SMG5: variants seen among roughly 807,000 people sequenced by gnomAD.
The protein encoded by SMG5 is SMG5 nonsense mediated mRNA decay factor.
A neutral mutation model predicts 122.9 loss-of-function variants in SMG5; 53 were observed. The ratio of observed to expected loss-of-function variants is 0.43; its 90% CI spans 0.35 to 0.54. The LOEUF is 0.54. Ranked by LOEUF, SMG5 falls within the 20% of genes least tolerant of loss-of-function variation. The pLI is 0.01. For synonymous variants in SMG5, 477 were observed against 490.2 expected (o/e 0.97, Z 0.35); for missense variants, 1,153 against 1,285.6 (o/e 0.90, Z 1.58).
At position 156,253,400 on chromosome 1, in the gene SMG5, C is replaced by G. The variant is rs1417920113; in HGVS notation, c.2502+49G>C. On this transcript the variant is annotated intron_variant, in intron 17 of 21. Coordinates refer to ENST00000361813, the MANE Select transcript of SMG5 (RefSeq NM_015327.3). ...GGGAGACCTGCCAGTAGGGTTGACA[C>G]AAAAGCTCTACCAAGTGCAGAAGAA... is the stretch of plus-strand genomic sequence containing the variant. The G allele has an allele frequency of 2.5e-6, 4 of 1,591,806 alleles. No individual in the cohort carries two copies. In the African/African-American group the frequency reaches 5.4e-5, roughly 21 times the overall value.
At chr1:156,271,239 T>C (rs992199387) in intron 7 of SMG5, among the ~76,000 whole-genome samples, 1 of 152,220 alleles carries the variant, frequency 6.6e-6, no homozygotes, top group Non-Finnish European at 1.5e-5. Flanking sequence ...TATTTCATTA[T>C]TTTATACTTT....
intron 3 of SMG5, 53 bp downstream of exon 3, chr1:156,277,872 A>T (rs1459240184): frequency 6.2e-7 from 1 of 1,606,116 alleles, no homozygotes; most frequent in Admixed American, 1.7e-5. Context: ...CCACTTTCCT[A>T]GCTGTCTCTT....
Position 156,274,633 on chromosome 1 carries a change from C to T in SMG5, c.508G>A (p.Ala170Thr), listed in dbSNP as rs868559740. 1 of 1,613,970 alleles carries T rather than the reference C, an allele frequency of 6.2e-7. No individual in the cohort carries two copies. Among genetic ancestry groups the T allele is most frequent in the South Asian group, 1.1e-5 (1 of 91,078 alleles). ...AGATACACCAGACATCGGTGACATG[C>T]CATCTGTGCCCAATCCATCTCCTTC... is the stretch of plus-strand genomic sequence containing the variant. ...SGKEMDWAQMACHRCLVYLGD... is the reference protein window; with the variant it reads ...SGKEMDWAQMTCHRCLVYLGD... Residue 170 changes from alanine to threonine, a missense_variant, in exon 5 of 22, where the codon GCA becomes ACA. Transcript: ENST00000361813.
the SMG5 span, among the ~76,000 whole-genome samples, chr1:156,288,031 G>A: frequency 6.6e-6 from 1 of 151,818 alleles, no homozygotes; most frequent in African/African-American, 2.4e-5. Context: ...TGGCTAACAC[G>A]GTGAAACCCC....
intron 12 of SMG5, among the ~76,000 whole-genome samples, chr1:156,263,841 G>A (rs572634723): frequency 6.6e-6 from 1 of 152,254 alleles, no homozygotes; most frequent in South Asian, 2.1e-4. Flanking sequence ...ATAGACTCAA[G>A]TAATTTGTGA....
chr1:156,252,187 G>A (rs1430437178), intron 19 of SMG5, among the ~76,000 whole-genome samples: 1 of 152,218 alleles, frequency 6.6e-6, no homozygotes, highest in Admixed American at 6.5e-5. Flanking sequence ...GCAGCTCAGT[G>A]CTCCCCACAG....
rs36019620 is a variant in SMG5 at position 156,261,264 on chromosome 1, A to AG, written c.2107+68dup. 3 of 1,451,060 alleles carry AG rather than the reference A, an allele frequency of 2.1e-6. No individual in the cohort carries two copies. The Admixed American group carries it at 5.0e-5, about 24-fold the overall frequency. 89.9% of individuals were successfully genotyped at this position (1,451,060 alleles called of 1,614,324 possible). ...TTACCCCAAGGGCTGGGTTATGGGG[A>AG]GGGGAGATGGGCTTAGTGGGGACAA... On this transcript the variant is annotated intron_variant, in intron 14 of 21. Transcript: ENST00000361813.
Position 156,266,629 on chromosome 1 carries a change from G to A in SMG5, c.1167C>T (p.Ser389=). 6.2e-7 allele frequency: 1 copy of A among 1,614,092 alleles called. No homozygotes were observed. The highest frequency in any genetic ancestry group is 1.6e-4 in the Middle Eastern group (1 of 6,062). Reference sequence around the variant, plus strand: ...GTATGTTGACATGATTGACGAGGTGGGAAAAGAGGGCCAGGGTGAAGGCAA... The same window carrying A: ...GTATGTTGACATGATTGACGAGGTGAGAAAAGAGGGCCAGGGTGAAGGCAA... ...AAIAFTLALF[S]HLVNHVNIRL... is the part of the protein sequence containing the mutation. Residue 389 remains serine (S), a synonymous_variant, in exon 11 of 22, where the codon TCC becomes TCT. Transcript: ENST00000361813.
At chr1:156,278,161 C>T in intron 2 of SMG5, 113 bp from the exon 3 acceptor site, 1 of 1,378,914 alleles carries the variant, frequency 7.3e-7, no homozygotes, top group South Asian at 1.3e-5. Flanking sequence ...CTCGGTGCTT[C>T]CCAAGAGACA....
chr1:156,252,618 C>T lies in SMG5; in HGVS notation c.2663-114G>A, dbSNP rs903117030. On this transcript the variant is annotated intron_variant, in intron 18 of 21. Transcript: ENST00000361813. ...TACACTCTTCAGGCAGAGAAGGGAC[C>T]CTGGCTCCCTAGAGGGCTCCCAAAG... is the stretch of plus-strand genomic sequence containing the variant. 42 of 1,119,972 alleles carry T rather than the reference C, an allele frequency of 3.8e-5. No individual in the cohort carries two copies. In the African/African-American group the frequency reaches 6.1e-4, roughly 16 times the overall value. The allele number at this position is 1,119,972 out of a possible 1,614,324, so 69.4% of individuals were successfully genotyped here. A position where few individuals can be genotyped will look rare whatever the true frequency, so the allele number is the denominator to read the frequency against.
Position 156,250,332 on chromosome 1 carries a change from A to C in SMG5, c.*255T>G, listed in dbSNP as rs1365254088. ...GAGACAGCAGGGGAGCTGAGGCAGGAAGGCTGGCCAGGGGCCCACAAGACT... is the reference window on the plus strand; with the variant it reads ...GAGACAGCAGGGGAGCTGAGGCAGGCAGGCTGGCCAGGGGCCCACAAGACT... On this transcript the variant is annotated 3_prime_UTR_variant, in exon 22 of 22. Transcript: ENST00000361813. The C allele has an allele frequency of 4.1e-6, 2 of 491,792 alleles. No individual in the cohort carries two copies. The highest frequency in any genetic ancestry group is 1.9e-5 in the African/African-American group (1 of 51,722). The allele number at this position is 491,792 out of a possible 1,614,324, so 30.5% of individuals were successfully genotyped here.
At position 156,266,588 on chromosome 1, in the gene SMG5, A is replaced by C. The variant is rs746822108; in HGVS notation, c.1208T>G (p.Leu403Arg). 1.1e-5 allele frequency: 18 copies of C among 1,613,996 alleles called. No individual in the cohort carries two copies. Among genetic ancestry groups the C allele is most frequent in the Non-Finnish European group, 1.4e-5 (16 of 1,180,012 alleles). ...CGGGACGGGATTCTCGCCCTCTTCC[A>C]GCTCAGCCTGCAGCCGTATGTTGAC... The part of the protein sequence containing the change: ...NHVNIRLQAE[L>R]EEGENPVPAF... Residue 403 changes from leucine to arginine, a missense_variant, in exon 11 of 22, where the codon CTG (leucine) becomes CGG (arginine). Coordinates refer to ENST00000361813, the MANE Select transcript of SMG5 (RefSeq NM_015327.3).
At chr1:156,280,136 C>T (rs1357951632) in intron 1 of SMG5, among the ~76,000 whole-genome samples, 1 of 152,168 alleles carries the variant, frequency 6.6e-6, no homozygotes, top group African/African-American at 2.4e-5. Flanking sequence ...TCTGTCATCA[C>T]AGCAAAGAAA....
intron 16 of SMG5, among the ~76,000 whole-genome samples, chr1:156,256,695 G>A (rs755618490): frequency 2.6e-5 from 4 of 152,012 alleles, no homozygotes; most frequent in South Asian, 4.1e-4. Flanking sequence ...GTAGGCCTAC[G>A]CGTTCCTCAG....
At chr1:156,268,460 A>G (rs1572588704) in intron 7 of SMG5, 45 bp from the exon 8 acceptor site, 1 of 1,604,904 alleles carries the variant, frequency 6.2e-7, no homozygotes, top group Non-Finnish European at 8.5e-7. Flanking sequence ...CAGGGGGAGG[A>G]TATGTTACTC....
chr1:156,251,470 G>T lies in SMG5; in HGVS notation c.2761C>A (p.Arg921Ser). The part of the protein sequence containing the change: ...AEFKKGNRYI[R>S]CQKEVGKSFE... ...CTCTTTCCCACCTCTTTCTGGCAGC[G>T]AATGTACCTGCAGAGGAGATGTGCG... The change falls in exon 20 of 22, where the codon CGC becomes AGC. Residue 921 changes from arginine to serine, a missense_variant. Around this residue, in one of 5 missense-constraint regions of SMG5, gnomAD observed 140 missense variants for 227.8 expected, o/e 0.61. Coordinates refer to ENST00000361813, the MANE Select transcript of SMG5 (RefSeq NM_015327.3). 6.2e-7 allele frequency: 1 copy of T among 1,614,018 alleles called. No individual in the cohort carries two copies. The highest frequency in any genetic ancestry group is 8.5e-7 in the Non-Finnish European group (1 of 1,180,020).
At chr1:156,274,493 T>C (rs1451587779) in intron 5 of SMG5, 104 bp downstream of exon 5, 2 of 1,009,292 alleles carry the variant, frequency 2.0e-6, no homozygotes, top group Non-Finnish European at 3.1e-6. Flanking sequence ...AGCCAAACTA[T>C]CCCTCCTGCT....
At chr1:156,272,251 G>C (rs1662470639) in intron 7 of SMG5, 69 bp downstream of exon 7, 2 of 1,373,220 alleles carry the variant, frequency 1.5e-6, no homozygotes, top group Non-Finnish European at 2.0e-6. Flanking sequence ...AGGAAGGGAA[G>C]ACGGAAAACA....
rs201863928 is a variant in SMG5 at position 156,251,513 on chromosome 1, G to T, written c.2754-36C>A. Reference sequence around the variant, plus strand: ...GATGTGCGAGTGGAGGTCAGGAGCAGGAGACTGGCAGGGTGCCTTACACAA... The same window carrying T: ...GATGTGCGAGTGGAGGTCAGGAGCATGAGACTGGCAGGGTGCCTTACACAA... On this transcript the variant is annotated intron_variant, in intron 19 of 21. Transcript: ENST00000361813. 8 of 1,607,430 alleles carry T rather than the reference G, an allele frequency of 5.0e-6. No homozygotes were observed. In the East Asian group the frequency reaches 1.8e-4, roughly 36 times the overall value.
Sources: gnomAD v4.1 joint callset for allele counts (sites outside exome capture counted in the v4.1 genomes callset) on GRCh38, gnomAD v4.1.1 for gene constraint, gnomAD v4.1.1 regional missense constraint, MANE v1.5 for transcripts, NCBI Gene and HGNC (gene_info 2026-07-23, HGNC 2026-07-21) for gene names.